The following XIRP2 variants were observed in gnomAD, a reference collection of about 807,000 sequenced individuals.
The protein encoded by XIRP2 is xin actin binding repeat containing 2, also known as xin actin-binding repeat-containing protein 2.
XIRP2 carries 236 observed loss-of-function variants against 277.0 expected under a neutral mutation model. That is an observed-to-expected ratio of 0.85 (90% CI 0.77 to 0.95). XIRP2 has a LOEUF of 0.95. XIRP2 is among the 40% of genes least tolerant of loss of function. XIRP2 has a pLI of 0.00. For missense variants in XIRP2, 4,640 were observed against 4,157.5 expected (o/e 1.12, Z -3.19); for synonymous variants, 1,490 against 1,416.5 (o/e 1.05, Z -1.17).
At position 167,245,268 on chromosome 2, in the gene XIRP2, C is replaced by A. The variant is rs1277560288; in HGVS notation, c.3876C>A (p.Asp1292Glu). ...FSLDEIKEES[D>E]YISTKKTITE... ...TAGATGAGATTAAAGAAGAATCTGA[C>A]TATATCAGCACCAAGAAAACAATTA... Residue 1292 changes from aspartate to glutamate, a missense_variant, in exon 9 of 11, where the codon GAC (aspartate) becomes GAA (glutamate). Transcript: ENST00000409195. 1 of 1,613,470 alleles carries A rather than the reference C, an allele frequency of 6.2e-7. No individual in the cohort carries two copies. The highest frequency in any genetic ancestry group is 8.5e-7 in the Non-Finnish European group (1 of 1,179,682).
chr2:166,981,303 G>T (rs1276526726), intron 2 of XIRP2, among the ~76,000 whole-genome samples: 2 of 151,986 alleles, frequency 1.3e-5, no homozygotes, highest in African/African-American at 4.8e-5. Flanking sequence ...GCTTCTAGTG[G>T]TTGCTAGTAA....
chr2:167,117,019 G>C (rs1690914326), intron 2 of XIRP2, among the ~76,000 whole-genome samples: 1 of 152,174 alleles, frequency 6.6e-6, no homozygotes, highest in African/African-American at 2.4e-5. Context: ...AGTTCTATCT[G>C]TTTCCATCCT....
At position 167,136,036 on chromosome 2, in the gene XIRP2, A is replaced by C; in HGVS notation, c.536A>C (p.Glu179Ala). ...KETSFDKMSP[E>A]SGHSRIFEAT... The stretch of plus-strand genomic sequence containing the variant: ...ACATCTTTTGACAAGATGTCACCTG[A>C]AAGTGGTCACAGCCGCATCTTTGAA... The change falls in exon 3 of 11, where the codon GAA (glutamate) becomes GCA (alanine). Residue 179 changes from glutamate (E) to alanine (A), a missense_variant. Coordinates refer to ENST00000409195, the MANE Select transcript of XIRP2 (RefSeq NM_152381.6). 6.2e-7 allele frequency: 1 copy of C among 1,608,784 alleles called. No homozygotes were observed. The highest frequency in any genetic ancestry group is 1.7e-5 in the Admixed American group (1 of 58,706).
intron 3 of XIRP2, among the ~76,000 whole-genome samples, chr2:167,176,033 A>G (rs112676808): frequency 0.099 from 15,017 of 152,080 alleles, 792 homozygotes; most frequent in South Asian, 0.15. Context: ...TTTCAAGCCA[A>G]TGGATCTTAG....
At chr2:166,899,722 G>A (rs1684330680) in intron 1 of XIRP2, among the ~76,000 whole-genome samples, 1 of 152,116 alleles carries the variant, frequency 6.6e-6, no homozygotes. Flanking sequence ...TTTCTGATGA[G>A]AAATTTGCTG....
intron 2 of XIRP2, among the ~76,000 whole-genome samples, chr2:167,041,179 G>T (rs1350455715): frequency 3.9e-5 from 6 of 152,110 alleles, no homozygotes; most frequent in Non-Finnish European, 8.8e-5. Context: ...AAATCATCCG[G>T]ACAGTAACTT....
At chr2:167,062,836 C>G (rs1689205194) in intron 2 of XIRP2, among the ~76,000 whole-genome samples, 1 of 151,668 alleles carries the variant, frequency 6.6e-6, no homozygotes, top group South Asian at 2.1e-4. Context: ...TTTTTTTTCT[C>G]TTGATCAGTC....
intron 1 of XIRP2, among the ~76,000 whole-genome samples, chr2:166,892,463 T>C (rs1390707693): frequency 6.6e-6 from 1 of 152,136 alleles, no homozygotes; most frequent in Non-Finnish European, 1.5e-5. Context: ...AATTATTCTG[T>C]GAAACAGCTC....
chr2:166,890,291 C>A (rs1013969076), intron 1 of XIRP2, among the ~76,000 whole-genome samples: 8 of 152,108 alleles, frequency 5.3e-5, no homozygotes, highest in African/African-American at 1.9e-4. Context: ...CCGTGCCTGG[C>A]CCCTAAGTTT....
intron 3 of XIRP2, among the ~76,000 whole-genome samples, chr2:167,176,072 G>A (rs1483928363): frequency 6.6e-6 from 1 of 152,152 alleles, no homozygotes; most frequent in African/African-American, 2.4e-5. Context: ...GGTGGGATCT[G>A]CTGAGCTAGA....
chr2:166,922,473 G>A (rs1199642797), intron 2 of XIRP2, among the ~76,000 whole-genome samples: 3 of 151,990 alleles, frequency 2.0e-5, no homozygotes, highest in Non-Finnish European at 2.9e-5. Flanking sequence ...CCAGTATTGA[G>A]GTCCTTTATG....
At chr2:167,172,449 G>A (rs1175782176) in intron 3 of XIRP2, among the ~76,000 whole-genome samples, 1 of 152,188 alleles carries the variant, frequency 6.6e-6, no homozygotes, top group Non-Finnish European at 1.5e-5. Context: ...AAATTTATTA[G>A]GCAGGAATTT....
At chr2:167,165,105 C>T (rs1433254013) in intron 3 of XIRP2, among the ~76,000 whole-genome samples, 2 of 152,146 alleles carry the variant, frequency 1.3e-5, no homozygotes, top group African/African-American at 4.8e-5. Context: ...CAAAAGGTAG[C>T]CTTTTCAGAC....
intron 5 of XIRP2, 48 bp downstream of exon 5, chr2:167,218,348 C>A: frequency 7.4e-7 from 1 of 1,350,944 alleles, no homozygotes. Context: ...TTGAAATGCT[C>A]TCATTTTGGT....
At position 167,246,081 on chromosome 2, in the gene XIRP2, A is replaced by G; in HGVS notation, c.4689A>G (p.Lys1563=). Residue 1563 remains lysine, a synonymous_variant, in exon 9 of 11, where the codon AAA becomes AAG. Coordinates refer to ENST00000409195, the MANE Select transcript of XIRP2 (RefSeq NM_152381.6). ...CCTTAGAAGATCTCTACTCTCAAAA[A>G]GTTATCCAGGCTCCTGGAATCATCA... is the stretch of plus-strand genomic sequence containing the variant. ...KETLEDLYSQ[K]VIQAPGIIIE... 6.2e-7 allele frequency: 1 copy of G among 1,613,674 alleles called. No homozygotes were observed.
At chr2:167,079,401 G>T (rs1301173257) in intron 2 of XIRP2, among the ~76,000 whole-genome samples, 1 of 152,192 alleles carries the variant, frequency 6.6e-6, no homozygotes. Context: ...AGTTCAAGTA[G>T]AATTGGTACC....
chr2:167,084,065 T>C (rs1395971333), intron 2 of XIRP2, among the ~76,000 whole-genome samples: 6 of 152,224 alleles, frequency 3.9e-5, no homozygotes, highest in Middle Eastern at 3.4e-3. Context: ...CAGTATGATA[T>C]TGGCTGTGGG....
At chr2:167,138,179 G>A (rs1041385057) in intron 3 of XIRP2, among the ~76,000 whole-genome samples, 5 of 152,174 alleles carry the variant, frequency 3.3e-5, no homozygotes, top group Non-Finnish European at 7.3e-5. Context: ...AGCCGCAAGA[G>A]TTTCATATTG....
At chr2:166,988,333 C>T (rs1411380021) in intron 2 of XIRP2, among the ~76,000 whole-genome samples, 1 of 151,960 alleles carries the variant, frequency 6.6e-6, no homozygotes, top group Non-Finnish European at 1.5e-5. Context: ...GCCTGAAACA[C>T]GATAAAAGAC....
Sources: gnomAD v4.1 joint callset for allele counts (sites outside exome capture counted in the v4.1 genomes callset) on GRCh38, gnomAD v4.1.1 for gene constraint, MANE v1.5 for transcripts, NCBI Gene and HGNC (gene_info 2026-07-23, HGNC 2026-07-21) for gene names.